Variants in HIVEP1 observed in about 807,000 individuals in gnomAD.
HIVEP1 encodes the protein zinc finger protein 40.
In HIVEP1, 36 loss-of-function variants were observed where a neutral mutation model predicts 180.0. The ratio of observed to expected loss-of-function variants is 0.20; its 90% CI spans 0.15 to 0.26. HIVEP1 has a LOEUF of 0.26. HIVEP1 is among the 10% of genes least tolerant of loss of function. The pLI is 1.00. For missense variants in HIVEP1, 3,143 were observed against 3,268.7 expected, an observed-to-expected ratio of 0.96 and a Z score of 0.94; for synonymous variants, 1,239 against 1,239.0, an observed-to-expected ratio of 1.00 and a Z score of 0.00.
rs566125905 is a variant in HIVEP1 at position 12,138,611 on chromosome 6, T to G, written c.6487+2719T>G. Among the ~76,000 whole-genome samples the G allele has an allele frequency of 1.8e-4, 28 of 152,316 alleles. 1 individual carries two copies. The highest frequency in any genetic ancestry group is 7.8e-4 in the Admixed American group (12 of 15,304). ...ACATAGGCCCCAGGGCTGTGGCCTTTGATCTCTTCTCTTCCTGTCTGTGCT... is the reference window on the plus strand; with the variant it reads ...ACATAGGCCCCAGGGCTGTGGCCTTGGATCTCTTCTCTTCCTGTCTGTGCT... On this transcript the variant is annotated intron_variant, in intron 7 of 8. Transcript: ENST00000379388.
In HIVEP1 at chr6:12,125,239, A is replaced by T; in HGVS notation, c.5444A>T (p.Lys1815Met). ...TEPLDGVMLE[K>M]DVFSQPEISN... ...CCCCTGGACGGTGTGATGTTGGAAAAGGATGTTTTTTCTCAACCTGAAATT... is the reference window on the plus strand; with the variant it reads ...CCCCTGGACGGTGTGATGTTGGAAATGGATGTTTTTTCTCAACCTGAAATT... The change falls in exon 4 of 9, where the codon AAG becomes ATG. Residue 1815 changes from lysine (K) to methionine (M), a missense_variant. Transcript: ENST00000379388. 1 of 1,614,178 alleles carries T rather than the reference A, an allele frequency of 6.2e-7. No homozygotes were observed. The highest frequency in any genetic ancestry group is 8.5e-7 in the Non-Finnish European group (1 of 1,180,030).
At chr6:12,151,398 G>A (rs1232205960) in intron 7 of HIVEP1, among the ~76,000 whole-genome samples, 2 of 152,154 alleles carry the variant, frequency 1.3e-5, no homozygotes, top group Admixed American at 1.3e-4. Flanking sequence ...GTAAGCCACA[G>A]TGCTTACCCT....
intron 3 of HIVEP1, among the ~76,000 whole-genome samples, chr6:12,093,470 ATATATTTTC>A (rs1337005558): frequency 3.3e-5 from 5 of 151,188 alleles, no homozygotes; most frequent in African/African-American, 1.2e-4. Flanking sequence ...AAGTATATAT[ATATATTTTC>A]TATATTTTCT....
intron 7 of HIVEP1, among the ~76,000 whole-genome samples, chr6:12,138,768 C>T (rs1170708022): frequency 6.6e-6 from 1 of 152,014 alleles, no homozygotes; most frequent in Non-Finnish European, 1.5e-5. Context: ...GTCTAATTAG[C>T]ATCTCAGGTC....
At chr6:12,158,598 C>T (rs184885540) in intron 7 of HIVEP1, among the ~76,000 whole-genome samples, 13 of 152,264 alleles carry the variant, frequency 8.5e-5, no homozygotes, top group East Asian at 7.7e-4. Flanking sequence ...GTTACAGTCT[C>T]GTACCTGCAC....
At position 12,163,505 on chromosome 6, in the gene HIVEP1, G is replaced by T. The variant is rs1243848152; in HGVS notation, c.7201G>T (p.Val2401Phe). Residue 2401 changes from valine to phenylalanine, a missense_variant, in exon 9 of 9, where the codon GTT becomes TTT. Around this residue, in one of 12 missense-constraint regions of HIVEP1, gnomAD observed 595 missense variants for 602.2 expected, o/e 0.99. Transcript: ENST00000379388. ...GAGGACACCTTATAATATGGTTCCA[G>T]TTGGGGGGATCCATGTGGTACCTGC... is the stretch of plus-strand genomic sequence containing the variant. ...QSRTPYNMVP[V>F]GGIHVVPAGL... 2.5e-6 allele frequency: 4 copies of T among 1,614,042 alleles called. No individual in the cohort carries two copies. The highest frequency in any genetic ancestry group is 2.7e-5 in the African/African-American group (2 of 74,920).
At chr6:12,167,707 A>G (rs1266756200), downstream of HIVEP1, among the ~76,000 whole-genome samples, 1 of 67,978 alleles carries the variant, frequency 1.5e-5, no homozygotes. Flanking sequence ...ATATATACAT[A>G]TATGCATAAT....
Position 12,121,626 on chromosome 6 carries a change from G to A in HIVEP1, c.1831G>A (p.Gly611Ser), listed in dbSNP as rs771990986. The change falls in exon 4 of 9, where the codon GGT becomes AGT. Residue 611 changes from glycine to serine, a missense_variant. Gly to Ser is a moderately conservative substitution (Grantham distance 56). Coordinates refer to ENST00000379388, the MANE Select transcript of HIVEP1 (RefSeq NM_002114.4). The surrounding 1 kb of genome is among the most constrained non-coding windows in gnomAD (Gnocchi z 5.3). The stretch of plus-strand genomic sequence containing the variant: ...GCCACTTTCAGCCAACATGTCCCAG[G>A]GTGGAGTCTCCAGGTTGGAGACTAA... ...VQPLSANMSQ[G>S]GVSRLETNEN... 16 of 1,614,104 alleles carry A rather than the reference G, an allele frequency of 9.9e-6. No homozygotes were observed. Among genetic ancestry groups the A allele is most frequent in the Non-Finnish European group, 1.3e-5 (15 of 1,180,016 alleles).
chr6:12,086,184 T>G (rs1345854136), intron 2 of HIVEP1, among the ~76,000 whole-genome samples: 1 of 152,182 alleles, frequency 6.6e-6, no homozygotes, highest in Non-Finnish European at 1.5e-5. Context: ...CACTGGCCTT[T>G]CTGGATCTTA....
At chr6:12,144,317 G>C (rs1759231867) in intron 7 of HIVEP1, among the ~76,000 whole-genome samples, 1 of 152,162 alleles carries the variant, frequency 6.6e-6, no homozygotes. Flanking sequence ...TGGGAAAACT[G>C]GCTAGCCATA....
intron 2 of HIVEP1, among the ~76,000 whole-genome samples, chr6:12,022,039 C>T (rs183590905): frequency 6.6e-6 from 1 of 152,160 alleles, no homozygotes; most frequent in Non-Finnish European, 1.5e-5. Context: ...CATTTTTGAA[C>T]CTCGAGTAGG....
upstream of HIVEP1, chr6:12,012,289 T>C (rs1034877078): frequency 3.4e-5 from 5 of 147,728 alleles, no homozygotes; most frequent in African/African-American, 4.9e-5. Context: ...CTGTTTAATA[T>C]TTCAGTGCTG....
chr6:12,085,276 C>G (rs1184590924), intron 2 of HIVEP1, among the ~76,000 whole-genome samples: 1 of 152,014 alleles, frequency 6.6e-6, no homozygotes, highest in Non-Finnish European at 1.5e-5. Flanking sequence ...GAAGCCCCAT[C>G]TTGAAAGGAC....
At chr6:12,160,916 A>T (rs1217743409) in intron 7 of HIVEP1, among the ~76,000 whole-genome samples, 2 of 152,154 alleles carry the variant, frequency 1.3e-5, no homozygotes, top group Non-Finnish European at 2.9e-5. Context: ...CCTCAGATAA[A>T]AGTCCTTTTC....
the HIVEP1 span, among the ~76,000 whole-genome samples, chr6:12,192,275 C>G: frequency 6.6e-6 from 1 of 151,582 alleles, no homozygotes; most frequent in Admixed American, 6.6e-5. Context: ...GTAATTTTTT[C>G]ACCTCTCTTA....
At chr6:12,184,825 A>T in the HIVEP1 span, among the ~76,000 whole-genome samples, 2 of 152,322 alleles carry the variant, frequency 1.3e-5, no homozygotes, top group Admixed American at 1.3e-4. Context: ...GATATGTATT[A>T]TTATTTCATT....
At chr6:12,080,550 C>T (rs976335882) in intron 2 of HIVEP1, among the ~76,000 whole-genome samples, 50 of 152,074 alleles carry the variant, frequency 3.3e-4, no homozygotes, top group Non-Finnish European at 6.6e-4. Context: ...TGTCTGTGTA[C>T]ATTTTGTTAT....
Position 12,161,477 on chromosome 6 carries a change from G to T in HIVEP1, c.6526G>T (p.Asp2176Tyr). Residue 2176 changes from aspartate to tyrosine, a missense_variant, in exon 8 of 9, where the codon GAT (aspartate) becomes TAT (tyrosine). Coordinates refer to ENST00000379388, the MANE Select transcript of HIVEP1 (RefSeq NM_002114.4). The part of the protein sequence containing the change: ...QRFSYERSGY[D>Y]LEESDGPDED... ...ATTCAGTTATGAGCGATCTGGATATGATCTTGAAGAATCTGATGGCCCAGA... is the reference window on the plus strand; with the variant it reads ...ATTCAGTTATGAGCGATCTGGATATTATCTTGAAGAATCTGATGGCCCAGA... 1.9e-6 allele frequency: 3 copies of T among 1,613,748 alleles called. No homozygotes were observed. The highest frequency in any genetic ancestry group is 2.5e-6 in the Non-Finnish European group (3 of 1,179,652).
the HIVEP1 span, among the ~76,000 whole-genome samples, chr6:12,176,127 AC>A: frequency 6.6e-6 from 1 of 152,108 alleles, no homozygotes; most frequent in Non-Finnish European, 1.5e-5. Context: ...CACAACTGGC[AC>A]AAGAGGGTAT....
Sources: allele counts gnomAD v4.1 joint callset (sites outside exome capture counted in the v4.1 genomes callset), GRCh38; gene constraint gnomAD v4.1.1; regional missense constraint gnomAD v4.1.1; non-coding constraint Gnocchi (gnomAD v3.1); transcripts MANE v1.5; gene names NCBI Gene and HGNC (gene_info 2026-07-23, HGNC 2026-07-21).